Variants in MEF2B observed in about 807,000 individuals in gnomAD.
MEF2B encodes myocyte-specific enhancer factor 2B.
MEF2B carries 15 observed loss-of-function variants against 32.2 expected under a neutral mutation model. The observed-to-expected ratio is 0.47, with a 90% CI of 0.31 to 0.72. The LOEUF is 0.72. Ranked by LOEUF, MEF2B falls within the 30% of genes least tolerant of loss-of-function variation. The probability of loss-of-function intolerance (pLI) is 0.05; values close to 1 mark genes in which losing one functional copy is unlikely to be tolerated. For synonymous variants in MEF2B, 205 were observed against 225.6 expected, an observed-to-expected ratio of 0.91 and a Z score of 0.82; for missense variants, 441 against 511.5, an observed-to-expected ratio of 0.86 and a Z score of 1.33.
At position 19,148,598 on chromosome 19, in the gene MEF2B, C is replaced by T. The variant is rs566515406; in HGVS notation, c.258+628G>A. 1.1e-3 allele frequency among the ~76,000 whole-genome samples: 174 copies of T among 152,306 alleles called. 1 individual carries two copies. The highest frequency in any genetic ancestry group is 3.9e-3 in the African/African-American group (163 of 41,570). ...TCTGCCCCACACTTCCAAAACACTGCGGACTCCCAGGCCTAGTCCCAGCCC... is the reference window on the plus strand; with the variant it reads ...TCTGCCCCACACTTCCAAAACACTGTGGACTCCCAGGCCTAGTCCCAGCCC... On this transcript the variant is annotated intron_variant, in intron 3 of 8. Coordinates refer to ENST00000424583, the MANE Select transcript of MEF2B (RefSeq NM_001145785.2).
At position 19,147,124 on chromosome 19, in the gene MEF2B, G is replaced by T. The variant is rs151213204; in HGVS notation, c.453C>A (p.Gly151=). 9,386 of 1,604,790 alleles carry T rather than the reference G, an allele frequency of 5.8e-3. 31 individuals are homozygous for T. Among genetic ancestry groups the T allele is most frequent in the Non-Finnish European group, 7.1e-3 (8,342 of 1,176,574 alleles). The change falls in exon 5 of 9, where the codon GGC becomes GGA. Residue 151 remains glycine (G), a synonymous_variant. Coordinates refer to ENST00000424583, the MANE Select transcript of MEF2B (RefSeq NM_001145785.2). ...DVVYGALPPP[G]CDPSGLGEAL... is the part of the protein sequence containing the mutation. ...CTTCCCCAAGCCCACTGGGGTCACAGCCTGGTGGCGGTAAGGCCCCGTATA... is the reference window on the plus strand; with the variant it reads ...CTTCCCCAAGCCCACTGGGGTCACATCCTGGTGGCGGTAAGGCCCCGTATA...
At position 19,145,721 on chromosome 19, in the gene MEF2B, C is replaced by A; in HGVS notation, c.*76G>T. ...ACTGTTGGGTCTTCTCTGAAGAGGC[C>A]TGGAGGGAGGTGGGGTCCCCACGTG... On this transcript the variant is annotated 3_prime_UTR_variant, in exon 9 of 9. Transcript: ENST00000424583. The surrounding 1 kb of genome is among the most constrained non-coding windows in gnomAD (Gnocchi z 4.6). 6.4e-7 allele frequency: 1 copy of A among 1,556,698 alleles called. No homozygotes were observed. Among genetic ancestry groups the A allele is most frequent in the East Asian group, 2.4e-5 (1 of 42,068 alleles).
At chr19:19,150,449 G>A (rs966202208) in intron 2 of MEF2B, among the ~76,000 whole-genome samples, 2 of 150,856 alleles carry the variant, frequency 1.3e-5, no homozygotes, top group Admixed American at 6.6e-5. Flanking sequence ...GTTTGAACCC[G>A]GGAGGCAGAG....
Position 19,149,232 on chromosome 19 carries a change from G to T in MEF2B, c.252C>A (p.Ile84=). Residue 84 remains isoleucine, a synonymous_variant, in exon 3 of 9, where the codon ATC becomes ATA. Transcript: ENST00000424583. ...EPHESRTNTD[I]LETLKRRGIG... The stretch of plus-strand genomic sequence containing the variant: ...GGAGGAGGACCTGGGGTACCTCGAG[G>T]ATGTCAGTGTTGGTGCGGCTCTCGT... The T allele has an allele frequency of 6.2e-7, 1 of 1,613,862 alleles. No individual in the cohort carries two copies. Among genetic ancestry groups the T allele is most frequent in the Non-Finnish European group, 8.5e-7 (1 of 1,179,946 alleles).
chr19:19,169,791 C>G (rs2060239025), intron 1 of MEF2B, among the ~76,000 whole-genome samples: 1 of 152,098 alleles, frequency 6.6e-6, no homozygotes, highest in South Asian at 2.1e-4. Flanking sequence ...ACACCCACAG[C>G]AAGAAGGCAT....
intron 1 of MEF2B, among the ~76,000 whole-genome samples, chr19:19,153,882 C>T (rs555706815): frequency 6.6e-6 from 1 of 152,244 alleles, no homozygotes; most frequent in African/African-American, 2.4e-5. Context: ...TCCTGAATAG[C>T]TGGGACTACA....
chr19:19,148,076 T>A (rs2060042617), intron 3 of MEF2B, among the ~76,000 whole-genome samples: 1 of 152,260 alleles, frequency 6.6e-6, no homozygotes, highest in Non-Finnish European at 1.5e-5. Context: ...CTGAGATCCA[T>A]GCAGGCCTGT....
chr19:19,148,205 T>C (rs1294127040), intron 3 of MEF2B, among the ~76,000 whole-genome samples: 1 of 152,244 alleles, frequency 6.6e-6, no homozygotes, highest in Non-Finnish European at 1.5e-5. Flanking sequence ...GGCTCACGCC[T>C]ACAATCCCGG....
chr19:19,149,144 T>C, intron 3 of MEF2B, 82 bp downstream of exon 3: 2 of 1,542,000 alleles, frequency 1.3e-6, no homozygotes, highest in South Asian at 2.3e-5. Flanking sequence ...CACTCATCTT[T>C]TGTGCAAACC....
chr19:19,147,269 G>A lies in MEF2B; in HGVS notation c.394-86C>T. ...GGGAGAAAATCCTGATGAGTTCAGG[G>A]GCCCAGCTCTACCTTCAGGAAGCCT... On this transcript the variant is annotated intron_variant, in intron 4 of 8. Coordinates refer to ENST00000424583, the MANE Select transcript of MEF2B (RefSeq NM_001145785.2). 2.0e-6 allele frequency: 2 copies of A among 997,810 alleles called. 1 individual carries two copies. The highest frequency in any genetic ancestry group is 2.5e-6 in the Non-Finnish European group (2 of 797,876). The allele number at this position is 997,810 out of a possible 1,614,324, so 61.8% of individuals were successfully genotyped here. A position where few individuals can be genotyped will look rare whatever the true frequency, so the allele number is the denominator to read the frequency against.
At chr19:19,154,450 C>T (rs2060106770) in intron 1 of MEF2B, among the ~76,000 whole-genome samples, 1 of 152,150 alleles carries the variant, frequency 6.6e-6, no homozygotes, top group Non-Finnish European at 1.5e-5. Context: ...GCATGAGCCA[C>T]CGCGCCCAGC....
At chr19:19,169,324 C>T (rs1242217638) in intron 1 of MEF2B, among the ~76,000 whole-genome samples, 3 of 151,602 alleles carry the variant, frequency 2.0e-5, no homozygotes, top group African/African-American at 7.3e-5. Context: ...TGTACTCCAG[C>T]CTGGGCGACA....
intron 2 of MEF2B, among the ~76,000 whole-genome samples, chr19:19,150,176 G>A (rs2060063056): frequency 9.1e-6 from 1 of 110,244 alleles, no homozygotes; most frequent in Non-Finnish European, 1.9e-5. Flanking sequence ...GGGAAGGAGG[G>A]AGGGAGGGAA....
intron 4 of MEF2B, 26 bp from the exon 5 acceptor site, chr19:19,147,209 G>T: frequency 7.3e-7 from 1 of 1,365,396 alleles, no homozygotes; most frequent in Non-Finnish European, 9.8e-7. Context: ...GGATGGGTCA[G>T]AGGACCCCAG....
At chr19:19,151,958 A>ATTTTTTT (rs201703145) in intron 1 of MEF2B, among the ~76,000 whole-genome samples, 1 of 116,600 alleles carries the variant, frequency 8.6e-6, no homozygotes. Flanking sequence ...CCCCATCTCT[A>ATTTTTTT]TTTTTTTTTT....
intron 1 of MEF2B, among the ~76,000 whole-genome samples, chr19:19,168,072 C>T (rs1599738634): frequency 1.3e-5 from 2 of 152,108 alleles, no homozygotes; most frequent in East Asian, 1.9e-4. Context: ...TTAGAAAGCC[C>T]TTTTCATCTC....
chr19:19,164,005 T>C (rs1258213637), intron 1 of MEF2B, among the ~76,000 whole-genome samples: 3 of 151,922 alleles, frequency 2.0e-5, no homozygotes, highest in Non-Finnish European at 4.4e-5. Flanking sequence ...TCGCTCTTGT[T>C]GCCCAGGCTG....
intron 1 of MEF2B, among the ~76,000 whole-genome samples, chr19:19,163,585 C>T (rs1401332192): frequency 1.3e-5 from 2 of 152,206 alleles, no homozygotes; most frequent in Non-Finnish European, 2.9e-5. Context: ...ATCACCCTTC[C>T]TTGAATCAAC....
chr19:19,152,029 C>T lies in MEF2B; in HGVS notation c.-29-1265G>A, dbSNP rs1282368541. On this transcript the variant is annotated intron_variant, in intron 1 of 8. Transcript: ENST00000424583. ...AGGCTGGAGGGCAATGGCGCGATCTCGGCTCACTAAAACCTCCGCCTCCCA... is the reference window on the plus strand; with the variant it reads ...AGGCTGGAGGGCAATGGCGCGATCTTGGCTCACTAAAACCTCCGCCTCCCA... Among the ~76,000 whole-genome samples, 17 of 148,258 alleles carry T rather than the reference C, an allele frequency of 1.1e-4. No homozygotes were observed. In the East Asian group the frequency reaches 2.0e-3, roughly 17 times the overall value.
Sources: allele counts gnomAD v4.1 joint callset (sites outside exome capture counted in the v4.1 genomes callset), GRCh38; gene constraint gnomAD v4.1.1; non-coding constraint Gnocchi (gnomAD v3.1); transcripts MANE v1.5; gene names NCBI Gene and HGNC (gene_info 2026-07-23, HGNC 2026-07-21).